SNAPC2: variants seen among roughly 807,000 people sequenced by gnomAD.
SNAPC2 encodes snRNA-activating protein complex subunit 2.
A neutral mutation model predicts 22.9 loss-of-function variants in SNAPC2; 27 were observed. That is an observed-to-expected ratio of 1.18 (90% CI 0.87 to 1.63). The LOEUF (loss-of-function observed/expected upper bound fraction) is 1.63. Ranked by LOEUF, SNAPC2 falls within the 40% of genes most tolerant of loss-of-function variation. The pLI is 0.00. For missense variants in SNAPC2, 570 were observed against 449.1 expected (o/e 1.27, Z -2.43); for synonymous variants, 272 against 201.0 (o/e 1.35, Z -2.99).
chr19:7,920,407 A>G lies in SNAPC2; in HGVS notation c.41A>G (p.Tyr14Cys), dbSNP rs1299174749. The G allele has an allele frequency of 5.7e-6, 9 of 1,582,984 alleles. No individual in the cohort carries two copies. The highest frequency in any genetic ancestry group is 7.7e-6 in the Non-Finnish European group (9 of 1,172,454). The change falls in exon 1 of 5, where the codon TAT (tyrosine) becomes TGT (cysteine). Residue 14 changes from tyrosine (Y) to cysteine (C), a missense_variant. Physicochemically the swap from Tyr to Cys is radical, Grantham distance 194 (BLOSUM62 -2). Transcript: ENST00000221573. ...AGGCGGCGAGCGGCCCCGGCGCGCTATCTGGGCGAGGTGACCGGTCCCGCG... is the reference window on the plus strand; with the variant it reads ...AGGCGGCGAGCGGCCCCGGCGCGCTGTCTGGGCGAGGTGACCGGTCCCGCG... ...PPRRRAAPAR[Y>C]LGEVTGPATW...
At chr19:7,921,980 A>G (rs1983590576) in intron 3 of SNAPC2, 55 bp from the exon 4 acceptor site, 2 of 1,548,914 alleles carry the variant, frequency 1.3e-6, no homozygotes, top group Admixed American at 1.8e-5. Context: ...GGGAATGTGT[A>G]GACGGTGAGA....
chr19:7,920,815 C>A (rs1983539881), intron 1 of SNAPC2: 1 of 212,714 alleles, frequency 4.7e-6, no homozygotes, highest in Non-Finnish European at 6.1e-6. Context: ...AGGGGCGGGG[C>A]GATGCCGGGG....
At position 7,922,850 on chromosome 19, in the gene SNAPC2, C is replaced by A; in HGVS notation, c.*86C>A. 9.3e-7 allele frequency: 1 copy of A among 1,080,182 alleles called. No homozygotes were observed. The highest frequency in any genetic ancestry group is 1.3e-6 in the Non-Finnish European group (1 of 750,794). 66.9% of individuals were successfully genotyped at this position (1,080,182 alleles called of 1,614,324 possible). On this transcript the variant is annotated 3_prime_UTR_variant, in exon 5 of 5. Transcript: ENST00000221573. Reference sequence around the variant, plus strand: ...CTGGCCCTGGCTCTTTCTGAGGATCCCGTCATGGGGGAAGGTCCTTGAGAT... The same window carrying A: ...CTGGCCCTGGCTCTTTCTGAGGATCACGTCATGGGGGAAGGTCCTTGAGAT...
At position 7,922,146 on chromosome 19, in the gene SNAPC2, G is replaced by C; in HGVS notation, c.484G>C (p.Asp162His). The part of the protein sequence containing the change: ...LLLSAPGGQE[D>H]PAPEIPSSAP... ...CCTGAGCGCCCCTGGAGGACAGGAAGACCCCGCCCCTGAAATACCTAGCTC... is the reference window on the plus strand; with the variant it reads ...CCTGAGCGCCCCTGGAGGACAGGAACACCCCGCCCCTGAAATACCTAGCTC... Residue 162 changes from aspartate to histidine, a missense_variant, in exon 4 of 5, where the codon GAC becomes CAC. Coordinates refer to ENST00000221573, the MANE Select transcript of SNAPC2 (RefSeq NM_003083.4). The C allele has an allele frequency of 1.2e-6, 2 of 1,614,066 alleles. No individual in the cohort carries two copies. Among genetic ancestry groups the C allele is most frequent in the Non-Finnish European group, 1.7e-6 (2 of 1,180,006 alleles).
At chr19:7,921,015 G>T (rs892783769) in intron 1 of SNAPC2, 3 of 1,142,126 alleles carry the variant, frequency 2.6e-6, no homozygotes, top group Admixed American at 4.6e-5. Context: ...TCGGGGTAAT[G>T]CGTGGGTGAG....
chr19:7,922,267 T>C lies in SNAPC2; in HGVS notation c.605T>C (p.Phe202Ser). The change falls in exon 4 of 5, where the codon TTT becomes TCT. Residue 202 changes from phenylalanine (F) to serine (S), a missense_variant. Phe to Ser is a radical substitution (Grantham distance 155). Coordinates refer to ENST00000221573, the MANE Select transcript of SNAPC2 (RefSeq NM_003083.4). ...GCTGGTCCCTCCACTGAAGAAGACT[T>C]TGCTGTGGACTTTGAGAAGATCTAC... is the stretch of plus-strand genomic sequence containing the variant. ...SSAGPSTEED[F>S]AVDFEKIYKY... 1 of 1,613,920 alleles carries C rather than the reference T, an allele frequency of 6.2e-7. No homozygotes were observed.
rs757974392 is a variant in SNAPC2, at chr19:7,921,752, C to T, written c.351C>T (p.Ala117=). Residue 117 remains alanine (A), a synonymous_variant, in exon 3 of 5, where the codon GCC becomes GCT. Coordinates refer to ENST00000221573, the MANE Select transcript of SNAPC2 (RefSeq NM_003083.4). ...AEKITGPLEE[A]LAVAFSQVLT... ...AGATAACAGGGCCACTGGAAGAAGC[C>T]CTGGCAGTGGCTTTCTCGCAGGTAC... The T allele has an allele frequency of 3.7e-6, 6 of 1,613,506 alleles. No individual in the cohort carries two copies. Among genetic ancestry groups the T allele is most frequent in the East Asian group, 4.5e-5 (2 of 44,874 alleles).
At chr19:7,920,768 T>G in intron 1 of SNAPC2, 1 of 266,702 alleles carries the variant, frequency 3.7e-6, no homozygotes, top group Non-Finnish European at 5.9e-6. Context: ...CGGGGCGAGC[T>G]TGGGAGCTAG....
At position 7,922,490 on chromosome 19, in the gene SNAPC2, T is replaced by C. The variant is rs1368962217; in HGVS notation, c.731T>C (p.Leu244Pro). Reference protein sequence around the residue: ...LDLLMSLPEELPLLPCTALVE... With the variant: ...LDLLMSLPEEPPLLPCTALVE... ...CTGCTCATGTCACTTCCAGAGGAGC[T>C]GCCACTCCTGCCCTGCACAGCCCTG... Residue 244 changes from leucine to proline, a missense_variant, in exon 5 of 5, where the codon CTG (leucine) becomes CCG (proline). Physicochemically the swap from Leu to Pro is moderately conservative, Grantham distance 98. Coordinates refer to ENST00000221573, the MANE Select transcript of SNAPC2 (RefSeq NM_003083.4). 6.2e-7 allele frequency: 1 copy of C among 1,602,736 alleles called. No individual in the cohort carries two copies. Among genetic ancestry groups the C allele is most frequent in the East Asian group, 2.2e-5 (1 of 44,616 alleles).
rs374202688 is a variant in SNAPC2 at position 7,922,638 on chromosome 19, C to T, written c.879C>T (p.Pro293=). 8 of 1,611,716 alleles carry T rather than the reference C, an allele frequency of 5.0e-6. No individual in the cohort carries two copies. In the African/African-American group the frequency reaches 5.4e-5, roughly 11 times the overall value. Residue 293 remains proline (P), a synonymous_variant, in exon 5 of 5, where the codon CCC becomes CCT. Transcript: ENST00000221573. ...GAGSKAPEET[P]PATEKAEHSE... is the part of the protein sequence containing the mutation. ...GCTCCAAGGCACCAGAGGAGACCCC[C>T]CCAGCCACCGAGAAGGCCGAGCACA...
At chr19:7,922,373 G>T in intron 4 of SNAPC2, 26 bp downstream of exon 4, 1 of 1,604,152 alleles carries the variant, frequency 6.2e-7, no homozygotes, top group Non-Finnish European at 8.5e-7. Flanking sequence ...GAGGGGGCAG[G>T]AGCAGAGGGA....
chr19:7,922,090 A>C lies in SNAPC2; in HGVS notation c.428A>C (p.Lys143Thr). ...PVTLLHSKPP[K>T]PTQARGKPLL... ...ACCCTCCTGCACTCCAAGCCCCCCA[A>C]GCCCACGCAGGCCCGTGGAAAGCCT... Residue 143 changes from lysine to threonine, a missense_variant, in exon 4 of 5, where the codon AAG (lysine) becomes ACG (threonine). Transcript: ENST00000221573. 6.2e-7 allele frequency: 1 copy of C among 1,613,678 alleles called. No individual in the cohort carries two copies. Among genetic ancestry groups the C allele is most frequent in the Non-Finnish European group, 8.5e-7 (1 of 1,179,842 alleles).
intron 4 of SNAPC2, 43 bp from the exon 5 acceptor site, chr19:7,922,402 A>C: frequency 6.3e-7 from 1 of 1,586,214 alleles, no homozygotes; most frequent in Non-Finnish European, 8.6e-7. Context: ...CCCTGGCAGC[A>C]GGCAGGGGTG....
At position 7,922,679 on chromosome 19, in the gene SNAPC2, C is replaced by G; in HGVS notation, c.920C>G (p.Pro307Arg). Residue 307 changes from proline to arginine, a missense_variant, in exon 5 of 5, where the codon CCT becomes CGT. Physicochemically the swap from Pro to Arg is moderately radical, Grantham distance 103. Transcript: ENST00000221573. ...EKAEHSELKS[P>R]WQAAGICPLN... ...GCCGAGCACAGCGAACTGAAATCGC[C>G]TTGGCAAGCAGCTGGGATCTGTCCC... 1.2e-6 allele frequency: 2 copies of G among 1,613,622 alleles called. No individual in the cohort carries two copies. Among genetic ancestry groups the G allele is most frequent in the Non-Finnish European group, 8.5e-7 (1 of 1,179,932 alleles).
At position 7,920,346 on chromosome 19, in the gene SNAPC2, G is replaced by A. The variant is rs774718941; in HGVS notation, c.-21G>A. On this transcript the variant is annotated 5_prime_UTR_variant, in exon 1 of 5. Coordinates refer to ENST00000221573, the MANE Select transcript of SNAPC2 (RefSeq NM_003083.4). ...CCCATCGGAGAAGCGACCTTACAGC[G>A]CCTGCCTCTTTCTGAGCGGCATGAA... is the stretch of plus-strand genomic sequence containing the variant. 11 of 1,553,766 alleles carry A rather than the reference G, an allele frequency of 7.1e-6. No individual in the cohort carries two copies. Among genetic ancestry groups the A allele is most frequent in the Non-Finnish European group, 8.6e-6 (10 of 1,158,750 alleles).
intron 1 of SNAPC2, chr19:7,920,934 G>A (rs1313981364): frequency 1.8e-6 from 2 of 1,116,068 alleles, no homozygotes; most frequent in African/African-American, 3.4e-5. Context: ...TTAAGGGCGG[G>A]GCCGTTTTGG....
chr19:7,922,547 T>C lies in SNAPC2; in HGVS notation c.788T>C (p.Leu263Pro), dbSNP rs1041195003. ...VEHMTETYLR[L>P]TAPQPIPAGG... ...CATATGACGGAGACGTACCTACGCC[T>C]GACAGCCCCCCAGCCCATTCCCGCT... Residue 263 changes from leucine (L) to proline (P), a missense_variant, in exon 5 of 5, where the codon CTG becomes CCG. Leu to Pro is a moderately conservative substitution (Grantham distance 98). Transcript: ENST00000221573. The C allele has an allele frequency of 9.9e-6, 16 of 1,612,954 alleles. No homozygotes were observed. Among genetic ancestry groups the C allele is most frequent in the Non-Finnish European group, 1.3e-5 (15 of 1,179,546 alleles).
In SNAPC2 at chr19:7,921,370, G is replaced by A. The variant is rs1838701025; in HGVS notation, c.184-53G>A. 9 of 1,612,776 alleles carry A rather than the reference G, an allele frequency of 5.6e-6. No individual in the cohort carries two copies. The South Asian group carries it at 7.7e-5, about 14-fold the overall frequency. On this transcript the variant is annotated intron_variant, in intron 1 of 4. Transcript: ENST00000221573. Reference sequence around the variant, plus strand: ...CAAGGGATTGGGCTTTGGCTTCTCTGCTGCAGCCCTGAGCTCATAGAAGCC... The same window carrying A: ...CAAGGGATTGGGCTTTGGCTTCTCTACTGCAGCCCTGAGCTCATAGAAGCC...
intron 1 of SNAPC2, 50 bp downstream of exon 1, chr19:7,920,599 T>TGGGGC (rs1168400461): frequency 6.6e-6 from 1 of 152,414 alleles, no homozygotes; most frequent in Admixed American, 2.9e-4. Context: ...GGGGCTGGGG[T>TGGGGC]GGGGCGGAGA....
Sources: allele counts gnomAD v4.1 joint callset, GRCh38; gene constraint gnomAD v4.1.1; transcripts MANE v1.5; gene names NCBI Gene and HGNC (gene_info 2026-07-23, HGNC 2026-07-21).